Variants in SGMS1 observed in about 807,000 individuals in gnomAD.
The protein encoded by SGMS1 is phosphatidylcholine:ceramide cholinephosphotransferase 1.
SGMS1 carries 13 observed loss-of-function variants against 46.2 expected under a neutral mutation model. That is an observed-to-expected ratio of 0.28 (90% confidence interval 0.18 to 0.45). The LOEUF (loss-of-function observed/expected upper bound fraction) is 0.45, where lower values mean the gene tolerates loss of function less well. SGMS1 is among the 20% of genes least tolerant of loss of function. The pLI is 1.00. For missense variants in SGMS1, 324 were observed against 519.9 expected (o/e 0.62, Z 3.66); for synonymous variants, 203 against 187.8 (o/e 1.08, Z -0.66).
intron 6 of SGMS1, among the ~76,000 whole-genome samples, chr10:50,415,402 C>T (rs972511358): frequency 2.6e-5 from 4 of 152,270 alleles, no homozygotes; most frequent in African/African-American, 9.6e-5. Context: ...AAAATGGACT[C>T]TGTGGCATGC....
At chr10:50,542,043 T>A (rs950209590) in intron 2 of SGMS1, among the ~76,000 whole-genome samples, 1 of 152,130 alleles carries the variant, frequency 6.6e-6, no homozygotes, top group Non-Finnish European at 1.5e-5. Flanking sequence ...CAGGAACCAT[T>A]ATCTTTTCTT....
intron 2 of SGMS1, among the ~76,000 whole-genome samples, chr10:50,570,737 C>G (rs1838329974): frequency 6.6e-6 from 1 of 152,144 alleles, no homozygotes; most frequent in Non-Finnish European, 1.5e-5. Context: ...GACTTTGAGA[C>G]CAGCCTAAGC....
chr10:50,473,374 T>A (rs1837395204), intron 3 of SGMS1, among the ~76,000 whole-genome samples: 1 of 152,230 alleles, frequency 6.6e-6, no homozygotes, highest in Non-Finnish European at 1.5e-5. Context: ...AATAAATATC[T>A]ATTGAAAATT....
rs972372816 is a variant in SGMS1, at chr10:50,427,511, C to T, written c.-232+5965G>A. 3.3e-5 allele frequency among the ~76,000 whole-genome samples: 5 copies of T among 152,292 alleles called. No homozygotes were observed. The East Asian group carries it at 9.6e-4, about 29-fold the overall frequency. On this transcript the variant is annotated intron_variant, in intron 6 of 10. Coordinates refer to ENST00000361781, the MANE Select transcript of SGMS1 (RefSeq NM_147156.4). ...AACTACAAATTGAGAACACAGCAGT[C>T]TAGCATGTAGTACAAATTAAATGGC... is the stretch of plus-strand genomic sequence containing the variant.
intron 1 of SGMS1, among the ~76,000 whole-genome samples, chr10:50,603,866 C>A (rs1317473922): frequency 6.6e-6 from 1 of 152,080 alleles, no homozygotes; most frequent in Non-Finnish European, 1.5e-5. Context: ...GCAGGACAAG[C>A]TAGAGCATAC....
rs188296930 is a variant in SGMS1 at position 50,356,638 on chromosome 10, A to G, written c.-231-12293T>C. On this transcript the variant is annotated intron_variant, in intron 6 of 10. Coordinates refer to ENST00000361781, the MANE Select transcript of SGMS1 (RefSeq NM_147156.4). ...AAAGCTGTTTTAAAAATTATAAAAA[A>G]TCAAAACCATACACCCACATATATA... Among the ~76,000 whole-genome samples the G allele has an allele frequency of 2.3e-3, 354 of 152,292 alleles. 3 individuals carry two copies. Among genetic ancestry groups the G allele is most frequent in the African/African-American group, 8.2e-3 (339 of 41,578 alleles).
chr10:50,311,992 T>C (rs1219417279), intron 8 of SGMS1, among the ~76,000 whole-genome samples: 1 of 152,208 alleles, frequency 6.6e-6, no homozygotes. Context: ...TTCCAGATTA[T>C]AAATTAATTT....
chr10:50,393,387 AGAATGACTCAC>A (rs777330018), intron 6 of SGMS1, among the ~76,000 whole-genome samples: 2 of 152,202 alleles, frequency 1.3e-5, no homozygotes, highest in Non-Finnish European at 2.9e-5. Flanking sequence ...CTGACGCACA[AGAATGACTCAC>A]ATTAGACCGA....
chr10:50,446,990 C>T (rs1022205966), intron 5 of SGMS1, among the ~76,000 whole-genome samples: 1 of 152,152 alleles, frequency 6.6e-6, no homozygotes, highest in East Asian at 1.9e-4. Flanking sequence ...TTAATTTACA[C>T]ATGTCATTTT....
intron 6 of SGMS1, among the ~76,000 whole-genome samples, chr10:50,413,166 T>C (rs1387076654): frequency 1.3e-5 from 2 of 152,194 alleles, no homozygotes; most frequent in Non-Finnish European, 2.9e-5. Context: ...CATGTATATC[T>C]TGTTTATTCC....
At chr10:50,611,396 A>G (rs1014490162) in intron 1 of SGMS1, among the ~76,000 whole-genome samples, 1 of 152,186 alleles carries the variant, frequency 6.6e-6, no homozygotes, top group South Asian at 2.1e-4. Context: ...CCACTGCCCC[A>G]AAAGGATTTA....
intron 5 of SGMS1, among the ~76,000 whole-genome samples, chr10:50,445,944 G>A (rs1837006755): frequency 6.6e-6 from 1 of 152,058 alleles, no homozygotes; most frequent in Non-Finnish European, 1.5e-5. Flanking sequence ...CTCTGAAATG[G>A]CTGCTTTGGG....
At chr10:50,356,163 C>G (rs1390281667) in intron 6 of SGMS1, among the ~76,000 whole-genome samples, 1 of 152,218 alleles carries the variant, frequency 6.6e-6, no homozygotes, top group Non-Finnish European at 1.5e-5. Flanking sequence ...GTTACTCTGT[C>G]TGTGTAGAAA....
chr10:50,315,178 G>T (rs1047063958), intron 8 of SGMS1, among the ~76,000 whole-genome samples: 1 of 152,166 alleles, frequency 6.6e-6, no homozygotes, highest in African/African-American at 2.4e-5. Flanking sequence ...AGTAAGTCTA[G>T]ATTGTAAGCA....
intron 6 of SGMS1, among the ~76,000 whole-genome samples, chr10:50,426,538 C>G (rs1338761595): frequency 6.6e-6 from 1 of 152,224 alleles, no homozygotes; most frequent in Non-Finnish European, 1.5e-5. Context: ...CTTCCCTTGT[C>G]TAACTGAGGC....
intron 7 of SGMS1, among the ~76,000 whole-genome samples, chr10:50,328,399 A>G (rs1847562958): frequency 6.6e-6 from 1 of 152,162 alleles, no homozygotes; most frequent in African/African-American, 2.4e-5. Flanking sequence ...TTGGCCATTC[A>G]ATCATTATAA....
chr10:50,603,660 C>T (rs1232694020), intron 1 of SGMS1, among the ~76,000 whole-genome samples: 4 of 152,206 alleles, frequency 2.6e-5, no homozygotes, highest in Non-Finnish European at 5.9e-5. Context: ...CAACACACTG[C>T]AGTCATCAAA....
At chr10:50,470,505 T>C (rs957394419) in intron 3 of SGMS1, among the ~76,000 whole-genome samples, 4 of 151,814 alleles carry the variant, frequency 2.6e-5, no homozygotes, top group Non-Finnish European at 5.9e-5. Flanking sequence ...GCCCCAGGCA[T>C]GGTCTCTAGC....
Position 50,528,303 on chromosome 10 carries a change from CT to C in SGMS1, c.-588-8383del, listed in dbSNP as rs1837922676. On this transcript the variant is annotated intron_variant, in intron 2 of 10. Coordinates refer to ENST00000361781, the MANE Select transcript of SGMS1 (RefSeq NM_147156.4). ...AGCAGCTGTGTATTGAGGGACGACT[CT>C]GTCCTCAGTCCTGTAACAGGTACAA... is the stretch of plus-strand genomic sequence containing the variant. Among the ~76,000 whole-genome samples, 4 of 152,316 alleles carry C rather than the reference CT, an allele frequency of 2.6e-5. No individual in the cohort carries two copies. In the South Asian group the frequency reaches 8.3e-4, roughly 32 times the overall value.
Sources: gnomAD v4.1 joint callset for allele counts (sites outside exome capture counted in the v4.1 genomes callset) on GRCh38, gnomAD v4.1.1 for gene constraint, MANE v1.5 for transcripts, NCBI Gene and HGNC (gene_info 2026-07-23, HGNC 2026-07-21) for gene names.